Variants in PDE3A observed in about 807,000 individuals in gnomAD.
PDE3A encodes phosphodiesterase 3A.
In PDE3A, 43 loss-of-function variants were observed where a neutral mutation model predicts 98.3. The ratio of observed to expected loss-of-function variants is 0.44; its 90% CI spans 0.34 to 0.56. The LOEUF (loss-of-function observed/expected upper bound fraction) is 0.56, where lower values mean the gene tolerates loss of function less well. Among genes scored for constraint, PDE3A ranks in the 20% least tolerant of loss-of-function variants. PDE3A has a pLI of 0.01. For missense variants in PDE3A, 1,427 were observed against 1,440.7 expected (o/e 0.99, Z 0.15); for synonymous variants, 663 against 567.9 (o/e 1.17, Z -2.38).
intron 2 of PDE3A, among the ~76,000 whole-genome samples, chr12:20,603,082 G>A (rs1943630440): frequency 1.3e-5 from 2 of 152,174 alleles, no homozygotes; most frequent in Admixed American, 1.3e-4. Flanking sequence ...TAGTGCTACA[G>A]AGATGTAGGA....
rs886968275 is a variant in PDE3A, at chr12:20,520,980, C to T, written c.961-35680C>T. Reference sequence around the variant, plus strand: ...CATCCTCTTCACCTCTGTGATGGGCCGTTCTTCATGTCCTACAGTTTGAAC... The same window carrying T: ...CATCCTCTTCACCTCTGTGATGGGCTGTTCTTCATGTCCTACAGTTTGAAC... On this transcript the variant is annotated intron_variant, in intron 1 of 15. Transcript: ENST00000359062. 3.3e-5 allele frequency among the ~76,000 whole-genome samples: 5 copies of T among 152,284 alleles called. 1 individual carries two copies. The South Asian group carries it at 6.2e-4, about 19-fold the overall frequency.
intron 15 of PDE3A, among the ~76,000 whole-genome samples, chr12:20,674,701 T>G (rs1463924471): frequency 2.0e-5 from 3 of 152,168 alleles, no homozygotes; most frequent in Non-Finnish European, 4.4e-5. Flanking sequence ...CAGGAATTTA[T>G]CCATTTCATC....
In PDE3A at chr12:20,552,911, C is replaced by A. The variant is rs1014075924; in HGVS notation, c.961-3749C>A. 2 of 1,599,780 alleles carry A rather than the reference C, an allele frequency of 1.3e-6. No individual in the cohort carries two copies. The highest frequency in any genetic ancestry group is 1.7e-6 in the Non-Finnish European group (2 of 1,173,426). ...CGGGCACAGGTGTTCAGCTGCCCTGCCTGCCGCTACGACCTGGGCCGCAGC... is the reference window on the plus strand; with the variant it reads ...CGGGCACAGGTGTTCAGCTGCCCTGACTGCCGCTACGACCTGGGCCGCAGC... On this transcript the variant is annotated intron_variant, in intron 1 of 15. Coordinates refer to ENST00000359062, the MANE Select transcript of PDE3A (RefSeq NM_000921.5). This position sits in a 1 kb window ranked among gnomAD's most constrained non-coding sequence, Gnocchi z 5.1.
intron 15 of PDE3A, among the ~76,000 whole-genome samples, chr12:20,675,186 G>T (rs868081553): frequency 1.1e-4 from 17 of 151,474 alleles, no homozygotes; most frequent in African/African-American, 3.9e-4. Context: ...GTCATTCAGA[G>T]ACATTTTTTT....
chr12:20,643,605 C>T (rs1944696311), intron 10 of PDE3A, among the ~76,000 whole-genome samples: 1 of 131,800 alleles, frequency 7.6e-6, no homozygotes, highest in South Asian at 2.8e-4. Context: ...TTTAGATAAG[C>T]AGCTGGATTT....
intron 1 of PDE3A, among the ~76,000 whole-genome samples, chr12:20,501,777 A>G (rs1946029338): frequency 6.6e-6 from 1 of 152,162 alleles, no homozygotes. Context: ...TCAAAAAAGG[A>G]TTCTAGATTT....
intron 1 of PDE3A, among the ~76,000 whole-genome samples, chr12:20,516,277 C>A (rs1298264970): frequency 6.6e-6 from 1 of 152,082 alleles, no homozygotes; most frequent in African/African-American, 2.4e-5. Flanking sequence ...ACCTCCAGGT[C>A]TTGCTTTATG....
chr12:20,373,277 G>T (rs1943511750), intron 1 of PDE3A, among the ~76,000 whole-genome samples: 1 of 152,066 alleles, frequency 6.6e-6, no homozygotes, highest in East Asian at 1.9e-4. Flanking sequence ...GAAGGCAAGT[G>T]TCTGTTAAGG....
intron 1 of PDE3A, among the ~76,000 whole-genome samples, chr12:20,450,998 C>T (rs1003350244): frequency 1.6e-4 from 25 of 152,186 alleles, no homozygotes; most frequent in African/African-American, 5.5e-4. Context: ...AGTAAAAAAG[C>T]TCAGTTACCT....
intron 1 of PDE3A, among the ~76,000 whole-genome samples, chr12:20,451,004 T>C (rs1945054787): frequency 6.6e-6 from 1 of 152,230 alleles, no homozygotes; most frequent in South Asian, 2.1e-4. Flanking sequence ...AAAGCTCAGT[T>C]ACCTGCAGAA....
chr12:20,450,327 C>T (rs1364438485), intron 1 of PDE3A, among the ~76,000 whole-genome samples: 4 of 152,170 alleles, frequency 2.6e-5, no homozygotes, highest in East Asian at 1.9e-4. Context: ...CAATAGGTCA[C>T]AGATGTGAAT....
intron 1 of PDE3A, among the ~76,000 whole-genome samples, chr12:20,413,676 A>G (rs1944372668): frequency 6.6e-6 from 1 of 152,316 alleles, no homozygotes; most frequent in East Asian, 1.9e-4. Context: ...GCCTAGCTCT[A>G]CTTGTCAAGG....
At chr12:20,439,384 A>C (rs1944831040) in intron 1 of PDE3A, among the ~76,000 whole-genome samples, 1 of 152,228 alleles carries the variant, frequency 6.6e-6, no homozygotes, top group Non-Finnish European at 1.5e-5. Context: ...AACATAGAAA[A>C]GGGAAAAACC....
intron 1 of PDE3A, among the ~76,000 whole-genome samples, chr12:20,391,974 G>A (rs1367970773): frequency 6.6e-6 from 1 of 151,944 alleles, no homozygotes. Flanking sequence ...ACGTGTGGGT[G>A]AGCAGGAAGG....
At chr12:20,445,034 C>G (rs537079020) in intron 1 of PDE3A, among the ~76,000 whole-genome samples, 9 of 152,290 alleles carry the variant, frequency 5.9e-5, no homozygotes, top group African/African-American at 2.2e-4. Flanking sequence ...CAGCTGTCAT[C>G]AAATCCATCG....
Position 20,687,914 on chromosome 12 carries a change from GAAAAA to G in PDE3A, c.*7662_*7666del, listed in dbSNP as rs58496505. Among the ~76,000 whole-genome samples, 4 of 94,312 alleles carry G rather than the reference GAAAAA, an allele frequency of 4.2e-5. No homozygotes were observed. Among genetic ancestry groups the G allele is most frequent in the South Asian group, 8.7e-4 (2 of 2,286 alleles). The allele number at this position is 94,312 out of a possible 152,430, so 61.9% of individuals were successfully genotyped here. On this transcript the variant is annotated 3_prime_UTR_variant, in exon 16 of 16. Coordinates refer to ENST00000359062, the MANE Select transcript of PDE3A (RefSeq NM_000921.5). Reference sequence around the variant, plus strand: ...GACCAGTCATTACCTCTTCCCAACAGAAAAAAAAAAAAAAAAAAAAAAACTGGCAT... The same window carrying G: ...GACCAGTCATTACCTCTTCCCAACAGAAAAAAAAAAAAAAAAAACTGGCAT...
chr12:20,554,650 G>A (rs766021488), intron 1 of PDE3A, among the ~76,000 whole-genome samples: 2 of 151,340 alleles, frequency 1.3e-5, no homozygotes, highest in African/African-American at 4.9e-5. Flanking sequence ...GCAGCAGCGC[G>A]ATCTCAGCTC....
chr12:20,657,819 C>T (rs1451863979), intron 15 of PDE3A, among the ~76,000 whole-genome samples: 1 of 152,272 alleles, frequency 6.6e-6, no homozygotes, highest in East Asian at 1.9e-4. Flanking sequence ...AACAGTTGCT[C>T]TCATGGGGAC....
At chr12:20,663,693 C>T (rs1441629511) in intron 15 of PDE3A, among the ~76,000 whole-genome samples, 1 of 152,132 alleles carries the variant, frequency 6.6e-6, no homozygotes, top group Non-Finnish European at 1.5e-5. Context: ...ATCATTGTAT[C>T]TGGGAAGTAA....
Sources: gnomAD v4.1 joint callset for allele counts (sites outside exome capture counted in the v4.1 genomes callset) on GRCh38, gnomAD v4.1.1 for gene constraint, Gnocchi (gnomAD v3.1) non-coding constraint, MANE v1.5 for transcripts, NCBI Gene and HGNC (gene_info 2026-07-23, HGNC 2026-07-21) for gene names.